FBXL20: variants seen among roughly 807,000 people sequenced by gnomAD.
FBXL20 encodes the protein F-box/LRR-repeat protein 20.
A neutral mutation model predicts 64.0 loss-of-function variants in FBXL20; 11 were observed. The observed-to-expected ratio is 0.17, with a 90% CI of 0.11 to 0.28. FBXL20 has a LOEUF of 0.28. FBXL20 is among the 10% of genes least tolerant of loss of function. The pLI is 1.00. For synonymous variants in FBXL20, 184 were observed against 189.0 expected (o/e 0.97, Z 0.22); for missense variants, 303 against 526.2 (o/e 0.58, Z 4.15).
intron 1 of FBXL20, among the ~76,000 whole-genome samples, chr17:39,400,532 C>T (rs917659040): frequency 6.6e-6 from 1 of 152,162 alleles, no homozygotes; most frequent in African/African-American, 2.4e-5. Context: ...CCTCAAGGAA[C>T]CTTCCAGTAT....
At chr17:39,384,410 A>G (rs1220403492) in intron 1 of FBXL20, among the ~76,000 whole-genome samples, 1 of 151,734 alleles carries the variant, frequency 6.6e-6, no homozygotes, top group East Asian at 1.9e-4. Flanking sequence ...CTGTAGTCCC[A>G]GCTACTCAAG....
chr17:39,398,599 T>G (rs1260202003), intron 1 of FBXL20, among the ~76,000 whole-genome samples: 1 of 152,106 alleles, frequency 6.6e-6, no homozygotes, highest in African/African-American at 2.4e-5. Context: ...TAGAGATTCT[T>G]TATTCAGTAG....
At chr17:39,270,758 A>C in intron 11 of FBXL20, 38 bp downstream of exon 11, 1 of 1,544,648 alleles carries the variant, frequency 6.5e-7, no homozygotes, top group Non-Finnish European at 8.8e-7. Context: ...AATAAAACCT[A>C]TGGAAACAAA....
chr17:39,347,398 G>A (rs1367857173), intron 1 of FBXL20, among the ~76,000 whole-genome samples: 2 of 152,106 alleles, frequency 1.3e-5, no homozygotes, highest in Non-Finnish European at 2.9e-5. Context: ...GGTGTGAGAT[G>A]GTATCTCATT....
Position 39,256,591 on chromosome 17 carries a change from A to G in FBXL20, c.*4869T>C, listed in dbSNP as rs901662206. Reference sequence around the variant, plus strand: ...TTGTAAAATGCTTCAGAGCTCAAACATATGATTGAGAAAGTCTGTCAGCCA... The same window carrying G: ...TTGTAAAATGCTTCAGAGCTCAAACGTATGATTGAGAAAGTCTGTCAGCCA... On this transcript the variant is annotated 3_prime_UTR_variant, in exon 15 of 15. Coordinates refer to ENST00000264658, the MANE Select transcript of FBXL20 (RefSeq NM_032875.3). 6.6e-6 allele frequency: 1 copy of G among 152,224 alleles called. No individual in the cohort carries two copies. Among genetic ancestry groups the G allele is most frequent in the African/African-American group, 2.4e-5 (1 of 41,458 alleles). 9.4% of individuals were successfully genotyped at this position (152,224 alleles called of 1,614,324 possible).
At chr17:39,275,129 G>C in intron 9 of FBXL20, 29 bp from the exon 10 acceptor site, 2 of 1,591,808 alleles carry the variant, frequency 1.3e-6, no homozygotes, top group South Asian at 2.3e-5. Flanking sequence ...AAAATCCATA[G>C]ATATTAGTAT....
intron 14 of FBXL20, among the ~76,000 whole-genome samples, chr17:39,262,468 A>G (rs1406537416): frequency 6.6e-6 from 1 of 151,888 alleles, no homozygotes; most frequent in Non-Finnish European, 1.5e-5. Flanking sequence ...TTTAGTTGAG[A>G]TGGCATTTCG....
chr17:39,274,451 C>T (rs1364371299), intron 10 of FBXL20, among the ~76,000 whole-genome samples: 2 of 152,156 alleles, frequency 1.3e-5, no homozygotes, highest in Non-Finnish European at 2.9e-5. Context: ...CTGAGCAACA[C>T]AGCCTGACCC....
At position 39,340,387 on chromosome 17, in the gene FBXL20, G is replaced by A. The variant is rs542936057; in HGVS notation, c.104+2793C>T. Among the ~76,000 whole-genome samples the A allele has an allele frequency of 1.1e-3, 160 of 152,150 alleles. 3 individuals are homozygous for A. The highest frequency in any genetic ancestry group is 1.9e-3 in the Non-Finnish European group (132 of 67,982). On this transcript the variant is annotated intron_variant, in intron 2 of 14. Coordinates refer to ENST00000264658, the MANE Select transcript of FBXL20 (RefSeq NM_032875.3). ...TAGGATCACAGGCGTGAGCCACCGC[G>A]CCCGACTAATTTCTGTATTTTTAGT...
At chr17:39,300,913 G>A (rs529362578) in intron 4 of FBXL20, 88 bp downstream of exon 4, 32 of 1,273,502 alleles carry the variant, frequency 2.5e-5, no homozygotes, top group Non-Finnish European at 3.2e-5. Context: ...TCTCTTTAAC[G>A]AAAATGAGAT....
intron 2 of FBXL20, among the ~76,000 whole-genome samples, chr17:39,333,375 G>C (rs919547401): frequency 6.6e-6 from 1 of 152,240 alleles, no homozygotes; most frequent in African/African-American, 2.4e-5. Flanking sequence ...TCCAGCTCCT[G>C]ACCGCGAGTG....
intron 2 of FBXL20, among the ~76,000 whole-genome samples, chr17:39,304,462 A>AT (rs1050601555): frequency 1.3e-5 from 2 of 151,626 alleles, no homozygotes; most frequent in African/African-American, 2.4e-5. Flanking sequence ...TAATTTTTTA[A>AT]TTTTTTTGTA....
intron 2 of FBXL20, among the ~76,000 whole-genome samples, chr17:39,335,155 T>C (rs986339391): frequency 2.0e-5 from 3 of 152,156 alleles, no homozygotes; most frequent in African/African-American, 7.2e-5. Context: ...TCGTAAAACA[T>C]GTTGTTCCTT....
intron 2 of FBXL20, among the ~76,000 whole-genome samples, chr17:39,310,501 G>A (rs1039708490): frequency 1.3e-5 from 2 of 152,028 alleles, no homozygotes; most frequent in Non-Finnish European, 2.9e-5. Context: ...ATTTGAGCTG[G>A]ACTCCTGTCT....
intron 1 of FBXL20, among the ~76,000 whole-genome samples, chr17:39,388,500 T>C (rs1172342267): frequency 6.6e-6 from 1 of 151,370 alleles, no homozygotes; most frequent in Non-Finnish European, 1.5e-5. Context: ...TTTTTTTTTT[T>C]TGAGACGGCG....
chr17:39,341,665 C>T (rs1388912899), intron 2 of FBXL20, among the ~76,000 whole-genome samples: 2 of 152,150 alleles, frequency 1.3e-5, no homozygotes, highest in Non-Finnish European at 1.5e-5. Context: ...ACATGTGACT[C>T]GCTTCAGGCA....
At chr17:39,275,668 C>A (rs553936553) in intron 9 of FBXL20, among the ~76,000 whole-genome samples, 56 of 151,822 alleles carry the variant, frequency 3.7e-4, no homozygotes, top group Admixed American at 1.3e-3. Flanking sequence ...CCTCAGCCTC[C>A]CAAAGTACTT....
At position 39,369,433 on chromosome 17, in the gene FBXL20, T is replaced by C. The variant is rs1006146349; in HGVS notation, c.43-26192A>G. ...CTACCAGGCCCAGGTAATATTTGTATTTTTAGCAGACAGGGTTTCACCATG... is the reference window on the plus strand; with the variant it reads ...CTACCAGGCCCAGGTAATATTTGTACTTTTAGCAGACAGGGTTTCACCATG... On this transcript the variant is annotated intron_variant, in intron 1 of 14. Coordinates refer to ENST00000264658, the MANE Select transcript of FBXL20 (RefSeq NM_032875.3). Among the ~76,000 whole-genome samples the C allele has an allele frequency of 2.6e-5, 4 of 151,914 alleles. No individual in the cohort carries two copies. The South Asian group carries it at 6.2e-4, about 24-fold the overall frequency.
At chr17:39,376,120 AAAAATAAAAT>A (rs958468326) in intron 1 of FBXL20, among the ~76,000 whole-genome samples, 2 of 152,044 alleles carry the variant, frequency 1.3e-5, no homozygotes, top group African/African-American at 4.8e-5. Flanking sequence ...CTCCATCTCA[AAAAATAAAAT>A]AAAATAAAAT....
Sources: allele counts gnomAD v4.1 joint callset (sites outside exome capture counted in the v4.1 genomes callset), GRCh38; gene constraint gnomAD v4.1.1; transcripts MANE v1.5; gene names NCBI Gene and HGNC (gene_info 2026-07-23, HGNC 2026-07-21).